The following KLHL5 variants were observed in gnomAD, a reference collection of about 807,000 sequenced individuals.
The protein encoded by KLHL5 is kelch-like protein 5.
Under a neutral mutation model 77.7 loss-of-function variants are expected in KLHL5, and 48 were observed. The observed-to-expected ratio is 0.62, with a 90% CI of 0.49 to 0.79. The LOEUF is 0.79. Ranked by LOEUF, KLHL5 falls within the 30% of genes least tolerant of loss-of-function variation. The probability of loss-of-function intolerance (pLI) is 0.00; values close to 1 mark genes in which losing one functional copy is unlikely to be tolerated. For missense variants in KLHL5, 723 were observed against 859.7 expected (o/e 0.84, Z 1.99); for synonymous variants, 260 against 297.0 (o/e 0.88, Z 1.28).
chr4:39,115,087 TGAA>T (rs1356881413), intron 9 of KLHL5, 69 bp from the exon 10 acceptor site: 2 of 1,375,382 alleles, frequency 1.5e-6, no homozygotes, highest in African/African-American at 2.9e-5. Context: ...AAGATAGACT[TGAA>T]GAACAAAACT....
At chr4:39,137,361 AG>A in the KLHL5 span, among the ~76,000 whole-genome samples, 1 of 151,660 alleles carries the variant, frequency 6.6e-6, no homozygotes, top group East Asian at 1.9e-4. Flanking sequence ...AAAAAAAAAA[AG>A]AATGATCTTC....
upstream of KLHL5, among the ~76,000 whole-genome samples, chr4:39,058,219 A>C (rs2109273386): frequency 6.6e-6 from 1 of 152,310 alleles, no homozygotes; most frequent in Non-Finnish European, 1.5e-5. Context: ...TGTCCATTTG[A>C]AAAGACATCT....
intron 1 of KLHL5, among the ~76,000 whole-genome samples, chr4:39,066,518 A>G (rs957773937): frequency 2.6e-5 from 4 of 152,170 alleles, no homozygotes; most frequent in African/African-American, 7.2e-5. Flanking sequence ...AAAATTTTTC[A>G]ACTTTACGAT....
intron 6 of KLHL5, among the ~76,000 whole-genome samples, chr4:39,101,142 A>ATATATATC (rs1721509538): frequency 4.1e-5 from 6 of 147,896 alleles, no homozygotes; most frequent in South Asian, 2.1e-4. Flanking sequence ...ATATATATAT[A>ATATATATC]TATATCTACC....
chr4:39,109,879 A>G (rs1419828751), intron 8 of KLHL5, among the ~76,000 whole-genome samples: 1 of 141,748 alleles, frequency 7.1e-6, no homozygotes, highest in Admixed American at 7.1e-5. Flanking sequence ...AGACAGGGTT[A>G]TTTACCATGT....
At chr4:39,107,529 G>A (rs1560437360) in intron 7 of KLHL5, 40 bp from the exon 8 acceptor site, 1 of 1,515,984 alleles carries the variant, frequency 6.6e-7, no homozygotes, top group Non-Finnish European at 9.0e-7. Flanking sequence ...TAAGACAGCA[G>A]CCAATCTGAA....
the KLHL5 span, among the ~76,000 whole-genome samples, chr4:39,137,456 A>G: frequency 6.6e-6 from 1 of 152,008 alleles, no homozygotes; most frequent in African/African-American, 2.4e-5. Context: ...CCCTGTCTCT[A>G]CAAAAAATAA....
rs1721770909 is a variant in KLHL5 at position 39,103,435 on chromosome 4, T to C, written c.1449T>C (p.Asn483=). The change falls in exon 7 of 11, where the codon AAT becomes AAC. Residue 483 remains asparagine (N), a synonymous_variant. Transcript: ENST00000504108. ...GAAGAGATGGACTGAAGACTTTGAA[T>C]ACTGTAGAGTGCTACAACCCCAAAA... The part of the protein sequence containing the change: ...VGGRDGLKTL[N]TVECYNPKTK... 2 of 1,614,064 alleles carry C rather than the reference T, an allele frequency of 1.2e-6. No homozygotes were observed. The highest frequency in any genetic ancestry group is 1.3e-5 in the African/African-American group (1 of 74,922).
Position 39,123,459 on chromosome 4 carries a change from C to A in KLHL5, c.*2393C>A, listed in dbSNP as rs1220788159. Among the ~76,000 whole-genome samples, 2 of 152,118 alleles carry A rather than the reference C, an allele frequency of 1.3e-5. No individual in the cohort carries two copies. The highest frequency in any genetic ancestry group is 2.9e-5 in the Non-Finnish European group (2 of 68,020). ...TATGAATATAGATGCAAAAAAACTT[C>A]AAAATACTAGCAGGCCAAATCCAGC... is the stretch of plus-strand genomic sequence containing the variant. On this transcript the variant is annotated 3_prime_UTR_variant, in exon 11 of 11. Transcript: ENST00000504108.
rs1260939553 is a variant in KLHL5, at chr4:39,125,567, AT to A, written c.*4506del. ...TAAAGCATGGATGAGCCTTGAGCGC[AT>A]TTTTGCCAAGTGAAAGAAGGCAGAC... is the stretch of plus-strand genomic sequence containing the variant. On this transcript the variant is annotated 3_prime_UTR_variant, in exon 11 of 11. Transcript: ENST00000504108. 1.3e-5 allele frequency among the ~76,000 whole-genome samples: 2 copies of A among 152,210 alleles called. No individual in the cohort carries two copies. The highest frequency in any genetic ancestry group is 2.9e-5 in the Non-Finnish European group (2 of 68,038).
intron 5 of KLHL5, among the ~76,000 whole-genome samples, chr4:39,090,391 T>A (rs999300178): frequency 9.2e-5 from 14 of 151,968 alleles, no homozygotes; most frequent in African/African-American, 3.4e-4. Flanking sequence ...ACTCTTAAAA[T>A]AATATAGGAA....
At chr4:39,096,184 G>A (rs983371942) in intron 5 of KLHL5, among the ~76,000 whole-genome samples, 1 of 151,936 alleles carries the variant, frequency 6.6e-6, no homozygotes, top group African/African-American at 2.4e-5. Context: ...TGACACAAAA[G>A]GGATTTTAAT....
intron 2 of KLHL5, among the ~76,000 whole-genome samples, chr4:39,076,490 A>C (rs1365774669): frequency 1.3e-5 from 2 of 152,192 alleles, no homozygotes; most frequent in East Asian, 3.8e-4. Context: ...GATATTTAGA[A>C]GAAGAAAAGC....
At chr4:39,053,154 C>T (rs147331995) in intron 1 of KLHL5, among the ~76,000 whole-genome samples, 1 of 152,202 alleles carries the variant, frequency 6.6e-6, no homozygotes, top group African/African-American at 2.4e-5. Context: ...TAGTGCTTCA[C>T]ATTTTCTCCT....
At chr4:39,132,859 TGAAA>T in the KLHL5 span, among the ~76,000 whole-genome samples, 1 of 152,226 alleles carries the variant, frequency 6.6e-6, no homozygotes, top group African/African-American at 2.4e-5. Flanking sequence ...CAAAATATGG[TGAAA>T]GACTTTCTTC....
chr4:39,129,186 C>CTT (rs34334896), downstream of KLHL5, among the ~76,000 whole-genome samples: 467 of 138,218 alleles, frequency 3.4e-3, 4 homozygotes, highest in African/African-American at 9.0e-3. The surrounding 1 kb of genome is among the most constrained non-coding windows in gnomAD (Gnocchi z 4.2). Context: ...ACAATTACAA[C>CTT]TTTTTTTTTT....
chr4:39,114,649 C>A (rs1389332102), intron 9 of KLHL5, among the ~76,000 whole-genome samples: 5 of 152,164 alleles, frequency 3.3e-5, no homozygotes, highest in African/African-American at 1.2e-4. Context: ...ATATACTTGG[C>A]CCCATGAATT....
upstream of KLHL5, among the ~76,000 whole-genome samples, chr4:39,059,894 G>A (rs1042864173): frequency 6.6e-6 from 1 of 152,084 alleles, no homozygotes; most frequent in Non-Finnish European, 1.5e-5. Context: ...GTTAGATTCT[G>A]TCTTAAAATA....
chr4:39,112,594 A>T (rs1722523172), intron 8 of KLHL5: 1 of 178,660 alleles, frequency 5.6e-6, no homozygotes, highest in East Asian at 1.5e-4. Context: ...TGAAGTGCCT[A>T]ACCTATGGTA....
Sources: allele counts gnomAD v4.1 joint callset (sites outside exome capture counted in the v4.1 genomes callset), GRCh38; gene constraint gnomAD v4.1.1; non-coding constraint Gnocchi (gnomAD v3.1); transcripts MANE v1.5; gene names NCBI Gene and HGNC (gene_info 2026-07-23, HGNC 2026-07-21).